Variants in SPOCK1 observed in about 807,000 individuals in gnomAD.
The protein encoded by SPOCK1 is testican-1.
A neutral mutation model predicts 55.3 loss-of-function variants in SPOCK1; 23 were observed. That is an observed-to-expected ratio of 0.42 (90% CI 0.30 to 0.59). The LOEUF (loss-of-function observed/expected upper bound fraction) is 0.59. Ranked by LOEUF, SPOCK1 falls within the 20% of genes least tolerant of loss-of-function variation. The pLI is 0.22. For synonymous variants in SPOCK1, 226 were observed against 221.0 expected, an observed-to-expected ratio of 1.02 and a Z score of -0.20; for missense variants, 499 against 552.5, an observed-to-expected ratio of 0.90 and a Z score of 0.97.
chr5:137,442,266 T>C (rs945382646), intron 2 of SPOCK1, among the ~76,000 whole-genome samples: 1 of 152,040 alleles, frequency 6.6e-6, no homozygotes, highest in East Asian at 1.9e-4. Flanking sequence ...AGAACAATCA[T>C]AGTTCGGGGA....
intron 2 of SPOCK1, among the ~76,000 whole-genome samples, chr5:137,401,257 G>T (rs1751969951): frequency 6.6e-6 from 1 of 152,136 alleles, no homozygotes; most frequent in Admixed American, 6.5e-5. Context: ...CATTCCAACA[G>T]GGACAAGAAA....
chr5:137,489,755 AGG>A (rs772314435), intron 2 of SPOCK1, among the ~76,000 whole-genome samples: 1 of 152,228 alleles, frequency 6.6e-6, no homozygotes, highest in African/African-American at 2.4e-5. Context: ...AGGGAACACT[AGG>A]GCAAACACAT....
chr5:137,168,037 G>T (rs775166404), intron 3 of SPOCK1, among the ~76,000 whole-genome samples: 1 of 151,890 alleles, frequency 6.6e-6, no homozygotes, highest in Non-Finnish European at 1.5e-5. Context: ...CAAAATATTG[G>T]TTTTTCTGAA....
At chr5:136,984,319 G>C (rs1421424880) in intron 9 of SPOCK1, among the ~76,000 whole-genome samples, 1 of 152,122 alleles carries the variant, frequency 6.6e-6, no homozygotes, top group African/African-American at 2.4e-5. Flanking sequence ...TCCTTCAAAT[G>C]AATAGAGAAA....
intron 3 of SPOCK1, among the ~76,000 whole-genome samples, chr5:137,255,703 C>A (rs1387162450): frequency 6.6e-6 from 1 of 152,102 alleles, no homozygotes; most frequent in African/African-American, 2.4e-5. Flanking sequence ...GCATTGATTA[C>A]CATATATTGA....
At chr5:137,051,722 T>C (rs1752211823) in intron 6 of SPOCK1, among the ~76,000 whole-genome samples, 1 of 152,082 alleles carries the variant, frequency 6.6e-6, no homozygotes, top group Non-Finnish European at 1.5e-5. Flanking sequence ...AAAATCAGCA[T>C]CCTAAAAGGG....
chr5:137,091,900 C>T (rs1753060562), intron 5 of SPOCK1, among the ~76,000 whole-genome samples: 1 of 152,180 alleles, frequency 6.6e-6, no homozygotes, highest in African/African-American at 2.4e-5. Flanking sequence ...CTATTTCATC[C>T]ACCAAGACTA....
At chr5:137,038,536 G>T (rs764086487) in intron 6 of SPOCK1, among the ~76,000 whole-genome samples, 3 of 152,230 alleles carry the variant, frequency 2.0e-5, no homozygotes, top group Admixed American at 6.5e-5. Flanking sequence ...AGAAGGCAGG[G>T]AAGGGCAAAG....
chr5:136,985,581 G>C (rs1750823857), intron 8 of SPOCK1, among the ~76,000 whole-genome samples: 1 of 152,136 alleles, frequency 6.6e-6, no homozygotes, highest in South Asian at 2.1e-4. Flanking sequence ...GAACTAACCA[G>C]AGGTGACAAA....
At chr5:137,090,588 CA>C (rs1160865205) in intron 5 of SPOCK1, among the ~76,000 whole-genome samples, 1 of 152,194 alleles carries the variant, frequency 6.6e-6, no homozygotes, top group Non-Finnish European at 1.5e-5. Flanking sequence ...CACAGCCAGG[CA>C]TGGGGACCCA....
At chr5:137,016,425 G>A (rs1360291893) in intron 6 of SPOCK1, among the ~76,000 whole-genome samples, 3 of 152,196 alleles carry the variant, frequency 2.0e-5, no homozygotes, top group Admixed American at 6.5e-5. Flanking sequence ...TGCAAGTGAG[G>A]AGCTGAATAG....
intron 3 of SPOCK1, among the ~76,000 whole-genome samples, chr5:137,198,826 T>C (rs1376144998): frequency 1.3e-5 from 2 of 152,234 alleles, no homozygotes; most frequent in Non-Finnish European, 2.9e-5. Flanking sequence ...CCATGTCTTC[T>C]ATTACGTGTT....
intron 3 of SPOCK1, among the ~76,000 whole-genome samples, chr5:137,266,730 T>G (rs1756858410): frequency 6.6e-6 from 1 of 151,066 alleles, no homozygotes; most frequent in Non-Finnish European, 1.5e-5. Context: ...CATGTTAATT[T>G]GATAATCAAA....
intron 4 of SPOCK1, among the ~76,000 whole-genome samples, chr5:137,133,369 C>CAAAAAAAAAAAAA (rs576091633): frequency 8.3e-6 from 1 of 120,228 alleles, no homozygotes. Context: ...GACTCCATCT[C>CAAAAAAAAAAAAA]AAAAAAAAAA....
chr5:137,090,545 G>A (rs564830904), intron 5 of SPOCK1, among the ~76,000 whole-genome samples: 2 of 152,312 alleles, frequency 1.3e-5, no homozygotes, highest in Non-Finnish European at 2.9e-5. Flanking sequence ...TTGAGGACAA[G>A]GCTATGTCCA....
At position 137,230,632 on chromosome 5, in the gene SPOCK1, C is replaced by G. The variant is rs538958525; in HGVS notation, c.232+36378G>C. 3.9e-5 allele frequency among the ~76,000 whole-genome samples: 6 copies of G among 152,250 alleles called. No homozygotes were observed. In the East Asian group the frequency reaches 1.2e-3, roughly 29 times the overall value. On this transcript the variant is annotated intron_variant, in intron 3 of 10. Transcript: ENST00000394945. ...AATTTCAGATGTCACATTGTTTAGT[C>G]CTTTTCTATATCCTTTTCTGAAAAT...
chr5:137,133,425 G>A (rs918717759), intron 4 of SPOCK1, among the ~76,000 whole-genome samples: 1 of 151,254 alleles, frequency 6.6e-6, no homozygotes, highest in Non-Finnish European at 1.5e-5. Flanking sequence ...TAGCGAATTT[G>A]CCTGACAATG....
At position 137,085,377 on chromosome 5, in the gene SPOCK1, G is replaced by T. The variant is rs528861825; in HGVS notation, c.475-17548C>A. 4.6e-5 allele frequency among the ~76,000 whole-genome samples: 7 copies of T among 152,308 alleles called. No homozygotes were observed. In the South Asian group the frequency reaches 1.5e-3, roughly 32 times the overall value. ...GGCATTTGTGAGGCAAGAGCAGAAA[G>T]TGACATTTCCCCAAGCAGCAGCTCA... On this transcript the variant is annotated intron_variant, in intron 5 of 10. Coordinates refer to ENST00000394945, the MANE Select transcript of SPOCK1 (RefSeq NM_004598.4).
At position 137,485,424 on chromosome 5, in the gene SPOCK1, T is replaced by C. The variant is rs114410146; in HGVS notation, c.186+12949A>G. ...TCTTTTTAATTTCTCAATCAGTGAATCAAAAAACATTGCTCCCAGTGAACC... is the reference window on the plus strand; with the variant it reads ...TCTTTTTAATTTCTCAATCAGTGAACCAAAAAACATTGCTCCCAGTGAACC... On this transcript the variant is annotated intron_variant, in intron 2 of 10. Coordinates refer to ENST00000394945, the MANE Select transcript of SPOCK1 (RefSeq NM_004598.4). Among the ~76,000 whole-genome samples the C allele has an allele frequency of 7.2e-3, 1,092 of 152,322 alleles. 9 individuals are homozygous for C. Among genetic ancestry groups the C allele is most frequent in the African/African-American group, 0.025 (1,033 of 41,578 alleles).
Sources: allele counts gnomAD v4.1 joint callset (sites outside exome capture counted in the v4.1 genomes callset), GRCh38; gene constraint gnomAD v4.1.1; transcripts MANE v1.5; gene names NCBI Gene and HGNC (gene_info 2026-07-23, HGNC 2026-07-21).